RUVBL1: variants seen among roughly 807,000 people sequenced by gnomAD.
RUVBL1 encodes the protein ruvB-like 1.
RUVBL1 carries 4 observed loss-of-function variants against 52.4 expected under a neutral mutation model. The observed-to-expected ratio is 0.08, with a 90% confidence interval of 0.04 to 0.17. RUVBL1 has a LOEUF of 0.17. Among genes scored for constraint, RUVBL1 ranks in the 10% least tolerant of loss-of-function variants. The pLI is 1.00. For synonymous variants in RUVBL1, 217 were observed against 214.4 expected (o/e 1.01, Z -0.10); for missense variants, 298 against 572.8 (o/e 0.52, Z 4.90).
intron 1 of RUVBL1, among the ~76,000 whole-genome samples, chr3:128,140,820 C>T (rs1262008075): frequency 6.6e-6 from 1 of 152,110 alleles, no homozygotes; most frequent in Non-Finnish European, 1.5e-5. Context: ...GATGTTGGGA[C>T]ATTTAGTTTT....
intron 1 of RUVBL1, among the ~76,000 whole-genome samples, chr3:128,134,869 C>T (rs1333273673): frequency 6.6e-6 from 1 of 151,514 alleles, no homozygotes; most frequent in East Asian, 1.9e-4. Flanking sequence ...AAGAATGAAG[C>T]ATGTCTACTA....
chr3:128,119,316 G>A lies in RUVBL1; in HGVS notation c.228+12C>T, dbSNP rs751739953. On this transcript the variant is annotated intron_variant, in intron 2 of 10. Transcript: ENST00000322623. ...TCCTGGGTAGATTTAAAAAATGAGA[G>A]AAAATGAGTACCTTGCCAGTTCCAG... is the stretch of plus-strand genomic sequence containing the variant. The A allele has an allele frequency of 6.2e-7, 1 of 1,609,224 alleles. No homozygotes were observed. The highest frequency in any genetic ancestry group is 8.5e-7 in the Non-Finnish European group (1 of 1,176,630).
intron 1 of RUVBL1, among the ~76,000 whole-genome samples, chr3:128,135,661 G>T (rs1056877996): frequency 2.0e-4 from 31 of 152,208 alleles, no homozygotes; most frequent in South Asian, 2.1e-4. Context: ...AGGGCTGAGG[G>T]ATTTAATCAA....
At chr3:128,130,402 G>C (rs923810866) in intron 1 of RUVBL1, among the ~76,000 whole-genome samples, 1 of 151,800 alleles carries the variant, frequency 6.6e-6, no homozygotes, top group African/African-American at 2.4e-5. Flanking sequence ...GTAACCAAAA[G>C]TCTCCCTATA....
At chr3:128,136,473 A>C (rs955495009) in intron 1 of RUVBL1, among the ~76,000 whole-genome samples, 1 of 152,022 alleles carries the variant, frequency 6.6e-6, no homozygotes, top group African/African-American at 2.4e-5. Flanking sequence ...AAAAAATACA[A>C]AAATTTGCCG....
chr3:128,129,981 CTG>C (rs775538754), intron 1 of RUVBL1, among the ~76,000 whole-genome samples: 1 of 152,152 alleles, frequency 6.6e-6, no homozygotes, highest in Non-Finnish European at 1.5e-5. Flanking sequence ...AGCCGCCTAA[CTG>C]TACACATAAA....
chr3:128,123,677 G>A lies in RUVBL1; in HGVS notation c.48C>T (p.Ala16=). The A allele has an allele frequency of 1.2e-6, 2 of 1,612,250 alleles. No individual in the cohort carries two copies. Among genetic ancestry groups the A allele is most frequent in the South Asian group, 1.1e-5 (1 of 91,074 alleles). Residue 16 remains alanine, a synonymous_variant, in exon 1 of 11, where the codon GCC becomes GCT. Coordinates refer to ENST00000322623, the MANE Select transcript of RUVBL1 (RefSeq NM_003707.3). ...CCAGCCCTTTCACGTGGCTGTGGGA[G>A]GCGATGCGCTGCGTCTTCGTAGTGC... ...VKSTTKTQRI[A]SHSHVKGLGL...
upstream of RUVBL1, among the ~76,000 whole-genome samples, chr3:128,128,779 C>T (rs371821438): frequency 3.9e-5 from 6 of 152,150 alleles, no homozygotes; most frequent in South Asian, 2.1e-4. Context: ...AACTCTCAGG[C>T]GCTACCCTAA....
chr3:128,144,358 G>A (rs969914823), intron 1 of RUVBL1, among the ~76,000 whole-genome samples: 1 of 152,206 alleles, frequency 6.6e-6, no homozygotes, highest in Non-Finnish European at 1.5e-5. Flanking sequence ...CTAGCTGTTT[G>A]TAAAGAACTT....
At chr3:128,090,623 G>C (rs774386792) in intron 8 of RUVBL1, among the ~76,000 whole-genome samples, 1 of 152,154 alleles carries the variant, frequency 6.6e-6, no homozygotes, top group Non-Finnish European at 1.5e-5. Context: ...TTCCAGCAAC[G>C]AATGTCTTTT....
intron 2 of RUVBL1, among the ~76,000 whole-genome samples, chr3:128,117,309 G>A (rs565223251): frequency 6.6e-6 from 1 of 152,304 alleles, no homozygotes; most frequent in South Asian, 2.1e-4. Context: ...CTCTAGCCCA[G>A]GGTTTCTCAG....
chr3:128,128,575 C>G (rs35145572), upstream of RUVBL1, among the ~76,000 whole-genome samples: 21,795 of 152,154 alleles, frequency 0.14, 1,795 homozygotes, highest in African/African-American at 0.22. Flanking sequence ...AAGAAGAGGA[C>G]ATACTTCTTC....
chr3:128,142,685 G>T (rs750504469), intron 1 of RUVBL1, among the ~76,000 whole-genome samples: 1 of 152,164 alleles, frequency 6.6e-6, no homozygotes, highest in Non-Finnish European at 1.5e-5. Flanking sequence ...CTGCCCACAT[G>T]CCTGGACTCA....
chr3:128,151,870 C>T (rs2107742986), intron 1 of RUVBL1, among the ~76,000 whole-genome samples: 1 of 152,330 alleles, frequency 6.6e-6, no homozygotes, highest in Non-Finnish European at 1.5e-5. Flanking sequence ...TGGCTCATCA[C>T]AGAGGGCAAA....
In RUVBL1 at chr3:128,100,606, C is replaced by T; in HGVS notation, c.742G>A (p.Ala248Thr). 6.2e-7 allele frequency: 1 copy of T among 1,609,604 alleles called. No homozygotes were observed. The highest frequency in any genetic ancestry group is 8.5e-7 in the Non-Finnish European group (1 of 1,178,440). The change falls in exon 6 of 11, where the codon GCG becomes ACG. Residue 248 changes from alanine to threonine, a missense_variant. Around this residue, in one of 5 missense-constraint regions of RUVBL1, gnomAD observed 161 missense variants for 298.3 expected, o/e 0.54. Coordinates refer to ENST00000322623, the MANE Select transcript of RUVBL1 (RefSeq NM_003707.3). The part of the protein sequence containing the change: ...VTLHDLDVAN[A>T]RPQGGQDILS... ...CATCGAGGCAGTACCTGGGGCCGCG[C>T]ATTAGCCACATCCAAGTCATGCAAG... is the stretch of plus-strand genomic sequence containing the variant.
At chr3:128,150,901 T>G (rs1313485673) in intron 1 of RUVBL1, among the ~76,000 whole-genome samples, 3 of 87,076 alleles carry the variant, frequency 3.4e-5, no homozygotes, top group Admixed American at 2.0e-4. Context: ...TCTATATATA[T>G]AATATAATAT....
At chr3:128,114,351 G>C (rs1226185981) in intron 2 of RUVBL1, among the ~76,000 whole-genome samples, 2 of 152,168 alleles carry the variant, frequency 1.3e-5, no homozygotes, top group African/African-American at 4.8e-5. Context: ...TGATAGTTTT[G>C]AGGTAGTAAA....
rs778413068 is a variant in RUVBL1, at chr3:128,067,429, T to C, written c.940-2209A>G. 2.5e-6 allele frequency: 4 copies of C among 1,611,438 alleles called. No homozygotes were observed. Among genetic ancestry groups the C allele is most frequent in the Non-Finnish European group, 3.4e-6 (4 of 1,179,238 alleles). Reference sequence around the variant, plus strand: ...GGTTTCTTCTTCCCCAGGACACGTCTTCTGGGGGCCCAGCACGTGCTTATC... The same window carrying C: ...GGTTTCTTCTTCCCCAGGACACGTCCTCTGGGGGCCCAGCACGTGCTTATC... On this transcript the variant is annotated intron_variant, in intron 9 of 9. Coordinates refer to the RUVBL1 transcript ENST00000464873. This position sits in a 1 kb window ranked among gnomAD's most constrained non-coding sequence, Gnocchi z 4.1.
At chr3:128,096,528 TA>T (rs1327640257) in intron 8 of RUVBL1, among the ~76,000 whole-genome samples, 1 of 152,046 alleles carries the variant, frequency 6.6e-6, no homozygotes, top group African/African-American at 2.4e-5. Flanking sequence ...AGGTCTGGGA[TA>T]GAAAGAAAAT....
Sources: allele counts gnomAD v4.1 joint callset (sites outside exome capture counted in the v4.1 genomes callset), GRCh38; gene constraint gnomAD v4.1.1; regional missense constraint gnomAD v4.1.1; non-coding constraint Gnocchi (gnomAD v3.1); transcripts MANE v1.5; gene names NCBI Gene and HGNC (gene_info 2026-07-23, HGNC 2026-07-21).